The following ARHGEF28 variants were observed in gnomAD, a reference collection of about 807,000 sequenced individuals.
The protein encoded by ARHGEF28 is 190 kDa guanine nucleotide exchange factor.
In ARHGEF28, 152 loss-of-function variants were observed where a neutral mutation model predicts 206.6. That is an observed-to-expected ratio of 0.74 (90% CI 0.64 to 0.84). The LOEUF is 0.84. ARHGEF28 is among the 40% of genes least tolerant of loss of function. The pLI, the probability that ARHGEF28 is intolerant of heterozygous loss-of-function variation, is 0.00. For synonymous variants in ARHGEF28, 763 were observed against 776.4 expected (o/e 0.98, Z 0.29); for missense variants, 2,028 against 2,073.2 (o/e 0.98, Z 0.42).
At chr5:73,911,718 C>G in intron 35 of ARHGEF28, 143 bp downstream of exon 35, 1 of 931,192 alleles carries the variant, frequency 1.1e-6, no homozygotes, top group South Asian at 1.8e-5. Flanking sequence ...GTGGCATTCA[C>G]TTTTCTTTGG....
intron 1 of ARHGEF28, among the ~76,000 whole-genome samples, chr5:73,640,068 C>CATT (rs967308566): frequency 2.0e-5 from 3 of 152,116 alleles, no homozygotes; most frequent in Non-Finnish European, 4.4e-5. Context: ...AGGTATGGGA[C>CATT]ATTAGTACTA....
intron 29 of ARHGEF28, among the ~76,000 whole-genome samples, chr5:73,896,556 C>A (rs1761971778): frequency 6.6e-6 from 1 of 152,084 alleles, no homozygotes; most frequent in African/African-American, 2.4e-5. Context: ...TGCCTGGAGA[C>A]CTGTTAGGAT....
chr5:73,922,049 GA>G (rs1763548926), intron 35 of ARHGEF28, among the ~76,000 whole-genome samples: 1 of 152,200 alleles, frequency 6.6e-6, no homozygotes, highest in Non-Finnish European at 1.5e-5. Context: ...AACCCCAGAT[GA>G]AAAGGTGATT....
At position 73,852,709 on chromosome 5, in the gene ARHGEF28, C is replaced by A; in HGVS notation, c.1790+17C>A. On this transcript the variant is annotated intron_variant, in intron 14 of 35. Coordinates refer to ENST00000513042, the MANE Select transcript of ARHGEF28 (RefSeq NM_001177693.2). ...AGAAAACAGGTACTTTTAACTATTC[C>A]AATTTTCCTGAGGAACTGCATGATC... 1 of 1,612,366 alleles carries A rather than the reference C, an allele frequency of 6.2e-7. No homozygotes were observed. The highest frequency in any genetic ancestry group is 8.5e-7 in the Non-Finnish European group (1 of 1,178,576).
At position 73,651,303 on chromosome 5, in the gene ARHGEF28, A is replaced by G. The variant is rs76295960; in HGVS notation, c.-12+24981A>G. ...CCCCAGTCTGTTTTCTCATTCATAA[A>G]GTGGGAATAGTAACATTATTTATGG... is the stretch of plus-strand genomic sequence containing the variant. On this transcript the variant is annotated intron_variant, in intron 1 of 35. Coordinates refer to ENST00000513042, the MANE Select transcript of ARHGEF28 (RefSeq NM_001177693.2). 9.2e-5 allele frequency among the ~76,000 whole-genome samples: 14 copies of G among 152,362 alleles called. No homozygotes were observed. In the East Asian group the frequency reaches 2.5e-3, roughly 27 times the overall value.
chr5:73,693,599 G>A (rs1264825306), intron 2 of ARHGEF28, among the ~76,000 whole-genome samples: 1 of 152,170 alleles, frequency 6.6e-6, no homozygotes, highest in African/African-American at 2.4e-5. Flanking sequence ...AATCGGGCAG[G>A]GCTTTTGCCT....
intron 1 of ARHGEF28, among the ~76,000 whole-genome samples, chr5:73,641,332 A>G (rs1314837225): frequency 8.5e-5 from 13 of 152,126 alleles, no homozygotes; most frequent in Non-Finnish European, 1.9e-4. Flanking sequence ...CTAATCCTTC[A>G]AACCTGGTGA....
chr5:73,795,605 A>C, intron 9 of ARHGEF28: 1 of 473,806 alleles, frequency 2.1e-6, no homozygotes, highest in Non-Finnish European at 3.6e-6. Flanking sequence ...AAACAAGGCA[A>C]TCAAAGCTTT....
At chr5:73,933,722 A>T (rs1318510778) in intron 35 of ARHGEF28, among the ~76,000 whole-genome samples, 1 of 152,130 alleles carries the variant, frequency 6.6e-6, no homozygotes, top group Admixed American at 6.5e-5. Flanking sequence ...CTTCTCTTGC[A>T]TTGGGCTCTC....
chr5:73,878,049 G>A (rs1387897978), intron 22 of ARHGEF28, among the ~76,000 whole-genome samples: 1 of 152,114 alleles, frequency 6.6e-6, no homozygotes, highest in African/African-American at 2.4e-5. Flanking sequence ...TTATTATTGT[G>A]TGGGAGTCTA....
chr5:73,891,119 G>T (rs1761599244), intron 26 of ARHGEF28, among the ~76,000 whole-genome samples: 1 of 152,206 alleles, frequency 6.6e-6, no homozygotes, highest in African/African-American at 2.4e-5. Context: ...TGTGCTAGGT[G>T]CATGAAGATG....
At chr5:73,720,702 A>T (rs1749888923) in intron 2 of ARHGEF28, among the ~76,000 whole-genome samples, 1 of 152,218 alleles carries the variant, frequency 6.6e-6, no homozygotes, top group Non-Finnish European at 1.5e-5. Context: ...GATGGACCAG[A>T]GCTGTGCATC....
intron 1 of ARHGEF28, among the ~76,000 whole-genome samples, chr5:73,658,265 A>G (rs1213583429): frequency 3.3e-5 from 5 of 151,944 alleles, no homozygotes; most frequent in African/African-American, 1.2e-4. Flanking sequence ...AATGTTCATT[A>G]CCTGGCATTG....
chr5:73,864,990 A>G (rs565330278), intron 17 of ARHGEF28, 118 bp downstream of exon 17: 16 of 818,788 alleles, frequency 2.0e-5, no homozygotes, highest in African/African-American at 1.4e-4. Flanking sequence ...CATGATAGCG[A>G]TAACATAACA....
intron 1 of ARHGEF28, among the ~76,000 whole-genome samples, chr5:73,631,327 G>GTACACA (rs1401214910): frequency 2.4e-4 from 36 of 152,282 alleles, no homozygotes; most frequent in Non-Finnish European, 4.7e-4. Context: ...CATTGTCACT[G>GTACACA]GTTCTTTTTC....
intron 9 of ARHGEF28, among the ~76,000 whole-genome samples, chr5:73,817,816 A>T (rs1756318107): frequency 6.6e-6 from 1 of 152,052 alleles, no homozygotes; most frequent in Non-Finnish European, 1.5e-5. Context: ...GCGGTAAGGG[A>T]TGGTAAACTT....
intron 2 of ARHGEF28, among the ~76,000 whole-genome samples, chr5:73,695,399 C>T (rs1262855537): frequency 1.3e-5 from 2 of 152,054 alleles, no homozygotes; most frequent in Admixed American, 6.6e-5. Flanking sequence ...TTATTTAGAC[C>T]ACCACTCCTC....
At chr5:73,771,919 C>T (rs937426223) in intron 4 of ARHGEF28, among the ~76,000 whole-genome samples, 20 of 152,058 alleles carry the variant, frequency 1.3e-4, no homozygotes, top group Admixed American at 1.3e-3. Flanking sequence ...AGTGTATTGC[C>T]TTGTCTGTTT....
intron 2 of ARHGEF28, among the ~76,000 whole-genome samples, chr5:73,686,827 C>T (rs1747507182): frequency 6.6e-6 from 1 of 151,986 alleles, no homozygotes. Flanking sequence ...CAGCCAAAAC[C>T]AAGTGTTTCT....
Sources: gnomAD v4.1 joint callset for allele counts (sites outside exome capture counted in the v4.1 genomes callset) on GRCh38, gnomAD v4.1.1 for gene constraint, MANE v1.5 for transcripts, NCBI Gene and HGNC (gene_info 2026-07-23, HGNC 2026-07-21) for gene names.